The following EXOC6B variants were observed in gnomAD, a reference collection of about 807,000 sequenced individuals.
EXOC6B encodes SEC15 homolog B.
Under a neutral mutation model 113.5 loss-of-function variants are expected in EXOC6B, and 54 were observed. The observed-to-expected ratio is 0.48, with a 90% CI of 0.38 to 0.60. The LOEUF (loss-of-function observed/expected upper bound fraction) is 0.60, where lower values mean the gene tolerates loss of function less well. Ranked by LOEUF, EXOC6B falls within the 20% of genes least tolerant of loss-of-function variation. The probability of loss-of-function intolerance (pLI) is 0.00; values close to 1 mark genes in which losing one functional copy is unlikely to be tolerated. For synonymous variants in EXOC6B, 357 were observed against 339.0 expected, an observed-to-expected ratio of 1.05 and a Z score of -0.58; for missense variants, 797 against 977.5, an observed-to-expected ratio of 0.82 and a Z score of 2.46.
intron 6 of EXOC6B, among the ~76,000 whole-genome samples, chr2:72,604,849 A>T (rs540692437): frequency 9.2e-5 from 14 of 152,342 alleles, no homozygotes; most frequent in African/African-American, 3.1e-4. Context: ...TTTCTTCCCC[A>T]TTACTGACAA....
intron 20 of EXOC6B, among the ~76,000 whole-genome samples, chr2:72,292,094 C>T (rs1039841084): frequency 2.0e-5 from 3 of 151,616 alleles, no homozygotes; most frequent in Non-Finnish European, 4.4e-5. Context: ...ACACAGATTC[C>T]TTGGCTTAAT....
chr2:72,577,223 T>G (rs959012936), intron 6 of EXOC6B, among the ~76,000 whole-genome samples: 6 of 152,028 alleles, frequency 3.9e-5, no homozygotes, highest in African/African-American at 1.4e-4. Context: ...GTACCCCAAA[T>G]CATTTAATTT....
intron 6 of EXOC6B, among the ~76,000 whole-genome samples, chr2:72,643,673 T>G: frequency 1.4e-5 from 2 of 139,292 alleles, no homozygotes; most frequent in African/African-American, 5.4e-5. Context: ...AGATGACGAG[T>G]TAGTGGGTGC....
At chr2:72,526,583 A>G (rs542107710) in intron 8 of EXOC6B, among the ~76,000 whole-genome samples, 1 of 152,116 alleles carries the variant, frequency 6.6e-6, no homozygotes, top group Admixed American at 6.5e-5. Context: ...GGTTGGGGAA[A>G]TCTCGTATAA....
At chr2:72,747,076 A>T (rs1681751540) in intron 1 of EXOC6B, among the ~76,000 whole-genome samples, 1 of 152,094 alleles carries the variant, frequency 6.6e-6, no homozygotes, top group East Asian at 1.9e-4. Flanking sequence ...AGAGAGAGAG[A>T]CAAACTTCTA....
At chr2:72,379,542 C>T (rs1267406436) in intron 19 of EXOC6B, among the ~76,000 whole-genome samples, 187 bp downstream of exon 19, 2 of 152,168 alleles carry the variant, frequency 1.3e-5, no homozygotes, top group African/African-American at 4.8e-5. Flanking sequence ...AGTCTAAGCA[C>T]TTCTGGGAGT....
chr2:72,453,785 A>G (rs1697046715), intron 18 of EXOC6B, among the ~76,000 whole-genome samples: 1 of 152,236 alleles, frequency 6.6e-6, no homozygotes, highest in Non-Finnish European at 1.5e-5. Context: ...GAAAGAATGC[A>G]AGCCACTTCA....
At chr2:72,193,334 C>A (rs972098910) in intron 20 of EXOC6B, among the ~76,000 whole-genome samples, 1 of 152,088 alleles carries the variant, frequency 6.6e-6, no homozygotes, top group African/African-American at 2.4e-5. Context: ...GTTTATTGCC[C>A]AAGATTTCCT....
At chr2:72,576,664 C>T (rs1329442707) in intron 6 of EXOC6B, among the ~76,000 whole-genome samples, 1 of 152,090 alleles carries the variant, frequency 6.6e-6, no homozygotes, top group Non-Finnish European at 1.5e-5. Flanking sequence ...ACAGGAAATA[C>T]TGCGTCCCAT....
chr2:72,816,865 A>G (rs116067582), intron 1 of EXOC6B, among the ~76,000 whole-genome samples: 120 of 152,358 alleles, frequency 7.9e-4, no homozygotes, highest in South Asian at 1.4e-3. Flanking sequence ...AAGAGCTTCA[A>G]TGAAAATTGT....
Position 72,509,578 on chromosome 2 carries a change from C to T in EXOC6B, c.1167+3554G>A, listed in dbSNP as rs186646404. Among the ~76,000 whole-genome samples, 594 of 151,876 alleles carry T rather than the reference C, an allele frequency of 3.9e-3. 2 individuals are homozygous for T. The highest frequency in any genetic ancestry group is 0.014 in the African/African-American group (576 of 41,420). ...ATCAATAAAATTAACTACTCAAAAACGTTAAAACTTTTTGAAGCTGCAGAA... is the reference window on the plus strand; with the variant it reads ...ATCAATAAAATTAACTACTCAAAAATGTTAAAACTTTTTGAAGCTGCAGAA... On this transcript the variant is annotated intron_variant, in intron 11 of 21. Coordinates refer to ENST00000272427, the MANE Select transcript of EXOC6B (RefSeq NM_015189.3).
intron 18 of EXOC6B, among the ~76,000 whole-genome samples, chr2:72,400,880 T>C (rs76653928): frequency 0.033 from 5,070 of 151,942 alleles, 299 homozygotes; most frequent in African/African-American, 0.11. Flanking sequence ...AAAGACAGCA[T>C]AAAAATTTCT....
intron 6 of EXOC6B, among the ~76,000 whole-genome samples, chr2:72,693,664 T>C (rs1027680012): frequency 1.3e-5 from 2 of 152,220 alleles, no homozygotes; most frequent in African/African-American, 4.8e-5. Context: ...GTCGGGTTAC[T>C]TAAATCCATA....
chr2:72,202,162 A>T (rs1000309684), intron 20 of EXOC6B, among the ~76,000 whole-genome samples: 1 of 152,218 alleles, frequency 6.6e-6, no homozygotes, highest in Admixed American at 6.5e-5. Context: ...CTTGTTGTGC[A>T]GCAGTTTCTC....
intron 1 of EXOC6B, among the ~76,000 whole-genome samples, chr2:72,757,699 C>T (rs956370993): frequency 1.3e-5 from 2 of 152,164 alleles, no homozygotes; most frequent in Non-Finnish European, 2.9e-5. Flanking sequence ...CAGCCTATCT[C>T]TCTGAGTTTC....
At chr2:72,192,388 A>C (rs765496878) in intron 20 of EXOC6B, among the ~76,000 whole-genome samples, 1 of 152,186 alleles carries the variant, frequency 6.6e-6, no homozygotes, top group Non-Finnish European at 1.5e-5. Context: ...CACTAGAAGA[A>C]AAGTTGTATA....
intron 20 of EXOC6B, among the ~76,000 whole-genome samples, chr2:72,217,690 T>C (rs575884092): frequency 2.0e-5 from 3 of 152,200 alleles, no homozygotes; most frequent in East Asian, 1.9e-4. Context: ...TAAAAGACAA[T>C]CACAGCATGA....
intron 16 of EXOC6B, among the ~76,000 whole-genome samples, chr2:72,490,697 A>G (rs1334661855): frequency 6.6e-6 from 1 of 152,174 alleles, no homozygotes; most frequent in Non-Finnish European, 1.5e-5. Context: ...TTAGTATTCA[A>G]TGAAATGGTG....
intron 20 of EXOC6B, among the ~76,000 whole-genome samples, chr2:72,330,981 G>C (rs1329225758): frequency 6.6e-6 from 1 of 152,096 alleles, no homozygotes; most frequent in South Asian, 2.1e-4. Context: ...AGCCAATCTA[G>C]CAGCAGACCT....
Sources: gnomAD v4.1 joint callset for allele counts (sites outside exome capture counted in the v4.1 genomes callset) on GRCh38, gnomAD v4.1.1 for gene constraint, MANE v1.5 for transcripts, NCBI Gene and HGNC (gene_info 2026-07-23, HGNC 2026-07-21) for gene names.